SLC24A2: variants seen among roughly 807,000 people sequenced by gnomAD.
The protein encoded by SLC24A2 is solute carrier family 24 member 2, also known as sodium/potassium/calcium exchanger 2.
SLC24A2 carries 36 observed loss-of-function variants against 62.0 expected under a neutral mutation model. The observed-to-expected ratio is 0.58, with a 90% confidence interval of 0.44 to 0.77. SLC24A2 has a LOEUF of 0.77. Ranked by LOEUF, SLC24A2 falls within the 30% of genes least tolerant of loss-of-function variation. SLC24A2 has a pLI of 0.00. For missense variants in SLC24A2, 846 were observed against 817.9 expected (o/e 1.03, Z -0.42); for synonymous variants, 358 against 294.0 (o/e 1.22, Z -2.23).
chr9:19,909,340 G>A, the SLC24A2 span, among the ~76,000 whole-genome samples: 1 of 152,040 alleles, frequency 6.6e-6, no homozygotes, highest in East Asian at 1.9e-4. Context: ...TGTGGGGGAC[G>A]GGGAGGGCGG....
At chr9:20,145,283 A>C in the SLC24A2 span, among the ~76,000 whole-genome samples, 5 of 152,086 alleles carry the variant, frequency 3.3e-5, no homozygotes, top group Admixed American at 1.3e-4. Flanking sequence ...CTATGAAAGC[A>C]AGCCTTATGG....
chr9:20,255,295 G>C, the SLC24A2 span, among the ~76,000 whole-genome samples: 6 of 152,182 alleles, frequency 3.9e-5, no homozygotes, highest in Non-Finnish European at 8.8e-5. Context: ...GGCTCAGTGA[G>C]ATAAAAAGTT....
At chr9:20,254,551 G>T in the SLC24A2 span, among the ~76,000 whole-genome samples, 1 of 152,164 alleles carries the variant, frequency 6.6e-6, no homozygotes, top group African/African-American at 2.4e-5. Context: ...TATGTAACAA[G>T]TTGTACCTCT....
chr9:20,297,987 G>A, the SLC24A2 span, among the ~76,000 whole-genome samples: 2 of 152,142 alleles, frequency 1.3e-5, no homozygotes, highest in African/African-American at 4.8e-5. Context: ...TGCCTTGCAT[G>A]CTCCCACTCC....
At chr9:20,096,170 T>C in the SLC24A2 span, among the ~76,000 whole-genome samples, 1 of 152,202 alleles carries the variant, frequency 6.6e-6, no homozygotes, top group Non-Finnish European at 1.5e-5. Flanking sequence ...GAATCCTTAG[T>C]AATTTTTAAG....
chr9:19,768,309 G>T (rs1359879378), intron 2 of SLC24A2, among the ~76,000 whole-genome samples: 1 of 151,942 alleles, frequency 6.6e-6, no homozygotes, highest in Admixed American at 6.6e-5. Flanking sequence ...AACCCACTTG[G>T]CCAGGTTTTC....
chr9:20,056,707 C>T, the SLC24A2 span, among the ~76,000 whole-genome samples: 2,492 of 152,230 alleles, frequency 0.016, 65 homozygotes, highest in African/African-American at 0.056. Flanking sequence ...CTGATCTCTG[C>T]CACTTCAACC....
chr9:19,602,093 T>C (rs1455096700), intron 4 of SLC24A2, among the ~76,000 whole-genome samples: 4 of 152,338 alleles, frequency 2.6e-5, no homozygotes, highest in African/African-American at 7.2e-5. Context: ...TTGGAGTCAA[T>C]AGATATGGGT....
At chr9:19,869,423 G>C in the SLC24A2 span, among the ~76,000 whole-genome samples, 1 of 152,046 alleles carries the variant, frequency 6.6e-6, no homozygotes, top group African/African-American at 2.4e-5. Flanking sequence ...CTCCTTTCAA[G>C]ATTTTTTCTT....
At chr9:20,251,612 G>T in the SLC24A2 span, among the ~76,000 whole-genome samples, 5 of 152,140 alleles carry the variant, frequency 3.3e-5, no homozygotes, top group African/African-American at 1.2e-4. Flanking sequence ...CAGGAATTAC[G>T]TAATAAACTG....
At chr9:20,191,502 G>C in the SLC24A2 span, among the ~76,000 whole-genome samples, 14 of 151,948 alleles carry the variant, frequency 9.2e-5, no homozygotes, top group Non-Finnish European at 1.6e-4. Context: ...TGCACAGCTA[G>C]TCCAGAAAGC....
chr9:19,604,728 A>G (rs917283747), intron 4 of SLC24A2, among the ~76,000 whole-genome samples: 9 of 152,194 alleles, frequency 5.9e-5, no homozygotes, highest in African/African-American at 2.2e-4. Flanking sequence ...TGAGAACACA[A>G]TGAAATTAAG....
the SLC24A2 span, among the ~76,000 whole-genome samples, chr9:19,890,903 G>A: frequency 1.3e-5 from 2 of 151,946 alleles, no homozygotes; most frequent in South Asian, 2.1e-4. Context: ...TTGCTCACTC[G>A]ACATTTTTTT....
At chr9:19,757,156 C>T (rs993516308) in intron 2 of SLC24A2, among the ~76,000 whole-genome samples, 1 of 152,066 alleles carries the variant, frequency 6.6e-6, no homozygotes, top group South Asian at 2.1e-4. Flanking sequence ...ATTGAAACAA[C>T]TGACTAATCA....
At chr9:20,058,446 A>G in the SLC24A2 span, among the ~76,000 whole-genome samples, 2 of 151,836 alleles carry the variant, frequency 1.3e-5, no homozygotes, top group Non-Finnish European at 2.9e-5. Context: ...TAAAACTTAT[A>G]TCTGGAGGCT....
At chr9:19,779,645 A>T (rs964525526) in intron 2 of SLC24A2, among the ~76,000 whole-genome samples, 1 of 152,242 alleles carries the variant, frequency 6.6e-6, no homozygotes, top group Non-Finnish European at 1.5e-5. Flanking sequence ...TACAAGAAGG[A>T]ATGAGGAGGG....
chr9:20,272,488 C>T, the SLC24A2 span, among the ~76,000 whole-genome samples: 1 of 151,934 alleles, frequency 6.6e-6, no homozygotes, highest in Non-Finnish European at 1.5e-5. Context: ...ACCCTGACAC[C>T]CTGAAGGTTG....
chr9:20,139,343 C>T, the SLC24A2 span, among the ~76,000 whole-genome samples: 77 of 152,244 alleles, frequency 5.1e-4, no homozygotes, highest in African/African-American at 1.5e-3. Flanking sequence ...CCTCAGTTTC[C>T]GCACCCATAA....
At chr9:19,942,462 T>C in the SLC24A2 span, among the ~76,000 whole-genome samples, 1 of 152,174 alleles carries the variant, frequency 6.6e-6, no homozygotes, top group African/African-American at 2.4e-5. Flanking sequence ...ACATTTCCTC[T>C]AGGATGAATT....
Sources: allele counts gnomAD v4.1 joint callset (sites outside exome capture counted in the v4.1 genomes callset), GRCh38; gene constraint gnomAD v4.1.1; transcripts MANE v1.5; gene names NCBI Gene and HGNC (gene_info 2026-07-23, HGNC 2026-07-21).